The following VAV3 variants were observed in gnomAD, a reference collection of about 807,000 sequenced individuals.
VAV3 encodes vav guanine nucleotide exchange factor 3, also known as guanine nucleotide exchange factor VAV3.
A neutral mutation model predicts 131.2 loss-of-function variants in VAV3; 94 were observed. That is an observed-to-expected ratio of 0.72 (90% CI 0.61 to 0.85). VAV3 has a LOEUF of 0.85. Ranked by LOEUF, VAV3 falls within the 40% of genes least tolerant of loss-of-function variation. The pLI is 0.00. For missense variants in VAV3, 939 were observed against 1,002.7 expected (o/e 0.94, Z 0.86); for synonymous variants, 349 against 342.0 (o/e 1.02, Z -0.22).
In VAV3 at chr1:107,755,532, G is replaced by A. The variant is rs897410174; in HGVS notation, c.1087-19C>T. 1 of 1,579,412 alleles carries A rather than the reference G, an allele frequency of 6.3e-7. No homozygotes were observed. The highest frequency in any genetic ancestry group is 1.4e-5 in the African/African-American group (1 of 73,992). On this transcript the variant is annotated intron_variant, in intron 11 of 26. Transcript: ENST00000370056. Reference sequence around the variant, plus strand: ...CCAAGTCCTAGACAATAAAGAAAAGGGTAGAAAAAGAAGGCACACTAAGAT... The same window carrying A: ...CCAAGTCCTAGACAATAAAGAAAAGAGTAGAAAAAGAAGGCACACTAAGAT...
chr1:107,938,444 A>T (rs1203445156), intron 1 of VAV3, among the ~76,000 whole-genome samples: 1 of 152,300 alleles, frequency 6.6e-6, no homozygotes, highest in South Asian at 2.1e-4. Flanking sequence ...GAATAGGGAT[A>T]AATTCCCAAA....
intron 2 of VAV3, among the ~76,000 whole-genome samples, chr1:107,798,290 C>A: frequency 6.6e-6 from 1 of 152,214 alleles, no homozygotes. Flanking sequence ...GTACAAAGGA[C>A]GATGCCTGTG....
chr1:107,742,094 C>T (rs1182013853), intron 15 of VAV3, among the ~76,000 whole-genome samples: 1 of 152,164 alleles, frequency 6.6e-6, no homozygotes, highest in Non-Finnish European at 1.5e-5. Flanking sequence ...TCTAATGCTG[C>T]TGGTAGAGAA....
At chr1:107,963,779 G>A (rs1202221730) in intron 1 of VAV3, among the ~76,000 whole-genome samples, 4 of 152,276 alleles carry the variant, frequency 2.6e-5, no homozygotes, top group Non-Finnish European at 1.5e-5. Context: ...GAAAGAGAAA[G>A]AGGCTCTGAA....
chr1:107,600,479 GAC>G (rs1264131398), intron 24 of VAV3, among the ~76,000 whole-genome samples: 12 of 152,112 alleles, frequency 7.9e-5, no homozygotes, highest in Non-Finnish European at 1.6e-4. Flanking sequence ...CAGATATGGA[GAC>G]GAAAACACAT....
intron 15 of VAV3, among the ~76,000 whole-genome samples, chr1:107,732,370 G>A (rs1570850748): frequency 6.6e-6 from 1 of 152,276 alleles, no homozygotes; most frequent in African/African-American, 2.4e-5. Flanking sequence ...GTTGGACAGT[G>A]GGTGCGGCCA....
chr1:107,751,683 G>A (rs560629260), intron 12 of VAV3, among the ~76,000 whole-genome samples: 9 of 150,794 alleles, frequency 6.0e-5, no homozygotes, highest in South Asian at 4.3e-4. Flanking sequence ...GCGGGGGGGC[G>A]CGCGCTAATT....
At chr1:107,772,464 C>T (rs1299371696) in intron 5 of VAV3, among the ~76,000 whole-genome samples, 3 of 152,012 alleles carry the variant, frequency 2.0e-5, no homozygotes, top group African/African-American at 7.2e-5. Flanking sequence ...ACCACCCTGC[C>T]ATTATTTAAC....
intron 2 of VAV3, among the ~76,000 whole-genome samples, chr1:107,857,618 G>A (rs1468831172): frequency 2.0e-5 from 3 of 152,044 alleles, no homozygotes; most frequent in Non-Finnish European, 2.9e-5. Context: ...ACCTTCTTGC[G>A]GGTATGTTCT....
At chr1:107,604,569 C>T (rs982212170) in intron 22 of VAV3, among the ~76,000 whole-genome samples, 1 of 152,136 alleles carries the variant, frequency 6.6e-6, no homozygotes, top group African/African-American at 2.4e-5. Context: ...ACAGACTGCA[C>T]TCTTGTCTGG....
intron 20 of VAV3, among the ~76,000 whole-genome samples, chr1:107,620,085 G>T (rs1653452239): frequency 6.6e-6 from 1 of 152,114 alleles, no homozygotes. Flanking sequence ...TGTAATTATT[G>T]TTCAACATGG....
intron 24 of VAV3, among the ~76,000 whole-genome samples, chr1:107,600,174 C>G (rs1267099526): frequency 6.6e-6 from 1 of 152,070 alleles, no homozygotes; most frequent in African/African-American, 2.4e-5. Context: ...TTGAGTTCTC[C>G]AGAAAGTGAT....
chr1:107,641,290 C>T (rs918532865), intron 20 of VAV3, among the ~76,000 whole-genome samples: 8 of 152,162 alleles, frequency 5.3e-5, no homozygotes, highest in African/African-American at 1.7e-4. Context: ...GTCCCTTCTG[C>T]ATGTGCACAA....
chr1:107,835,141 C>T (rs1193906998), intron 2 of VAV3, among the ~76,000 whole-genome samples: 1 of 152,162 alleles, frequency 6.6e-6, no homozygotes, highest in Admixed American at 6.5e-5. Context: ...GACTGGGGCA[C>T]ATCTGTACTG....
At chr1:107,842,796 G>A (rs940637297) in intron 2 of VAV3, among the ~76,000 whole-genome samples, 18 of 151,846 alleles carry the variant, frequency 1.2e-4, no homozygotes, top group Admixed American at 2.6e-4. Context: ...GGCAGATATC[G>A]TTATCTGTCT....
chr1:107,891,432 C>T (rs1043057020), intron 1 of VAV3, among the ~76,000 whole-genome samples: 1 of 152,076 alleles, frequency 6.6e-6, no homozygotes, highest in South Asian at 2.1e-4. Context: ...TACACACACA[C>T]GCACGATATA....
intron 24 of VAV3, among the ~76,000 whole-genome samples, chr1:107,598,510 GA>G (rs1651574998): frequency 1.3e-5 from 2 of 152,126 alleles, no homozygotes; most frequent in South Asian, 2.1e-4. Context: ...TCTATAACTT[GA>G]AAAATATGTA....
intron 2 of VAV3, among the ~76,000 whole-genome samples, chr1:107,851,173 A>T (rs1327855203): frequency 9.2e-6 from 1 of 108,764 alleles, no homozygotes; most frequent in East Asian, 2.4e-4. Flanking sequence ...CTCCGTCTCA[A>T]AAAAAAAAAA....
At chr1:107,906,177 A>G (rs952954255) in intron 1 of VAV3, among the ~76,000 whole-genome samples, 9 of 152,238 alleles carry the variant, frequency 5.9e-5, no homozygotes, top group Admixed American at 2.0e-4. Flanking sequence ...TTCCCTGTTT[A>G]TCACAGCCAC....
Sources: gnomAD v4.1 joint callset for allele counts (sites outside exome capture counted in the v4.1 genomes callset) on GRCh38, gnomAD v4.1.1 for gene constraint, MANE v1.5 for transcripts, NCBI Gene and HGNC (gene_info 2026-07-23, HGNC 2026-07-21) for gene names.